WWOX: variants seen among roughly 807,000 people sequenced by gnomAD.
WWOX encodes WW domain containing oxidoreductase.
WWOX carries 69 observed loss-of-function variants against 46.2 expected under a neutral mutation model. The observed-to-expected ratio is 1.49, with a 90% CI of 1.23 to 1.82. The LOEUF is 1.82. Ranked by LOEUF, WWOX falls within the 40% of genes most tolerant of loss-of-function variation. The probability of loss-of-function intolerance (pLI) is 0.00; values close to 1 mark genes in which losing one functional copy is unlikely to be tolerated. For missense variants in WWOX, 919 were observed against 542.6 expected, an observed-to-expected ratio of 1.69 and a Z score of -6.89; for synonymous variants, 359 against 202.6, an observed-to-expected ratio of 1.77 and a Z score of -6.56.
At chr16:78,723,232 T>C (rs541327252) in intron 8 of WWOX, among the ~76,000 whole-genome samples, 2 of 152,270 alleles carry the variant, frequency 1.3e-5, no homozygotes, top group South Asian at 4.1e-4. Context: ...CTTCTTTATA[T>C]TATAAGTTTA....
chr16:78,628,475 T>C (rs945549667), intron 8 of WWOX, among the ~76,000 whole-genome samples: 1 of 152,206 alleles, frequency 6.6e-6, no homozygotes, highest in Non-Finnish European at 1.5e-5. Context: ...GATATATACA[T>C]GGAGCTGAAA....
intron 8 of WWOX, among the ~76,000 whole-genome samples, chr16:78,820,395 G>C (rs138091376): frequency 6.6e-6 from 1 of 152,136 alleles, no homozygotes; most frequent in African/African-American, 2.4e-5. Context: ...AGATCTGGGA[G>C]TATTGTTTGG....
chr16:78,336,546 T>A (rs1039117997), intron 5 of WWOX, among the ~76,000 whole-genome samples: 1 of 144,862 alleles, frequency 6.9e-6, no homozygotes, highest in African/African-American at 2.6e-5. Flanking sequence ...GACAGGCAGA[T>A]AACAGAGGGA....
intron 8 of WWOX, among the ~76,000 whole-genome samples, chr16:78,993,669 G>A (rs1222960808): frequency 2.0e-5 from 3 of 152,166 alleles, no homozygotes; most frequent in South Asian, 2.1e-4. Context: ...TGTCACCGGC[G>A]GCTTTATGTG....
chr16:78,975,380 C>T (rs1035267684), intron 8 of WWOX, among the ~76,000 whole-genome samples: 1 of 151,838 alleles, frequency 6.6e-6, no homozygotes, highest in Non-Finnish European at 1.5e-5. Flanking sequence ...AGGGCAGACC[C>T]TTGCAACAAA....
At chr16:79,103,437 C>T (rs1286044226) in intron 8 of WWOX, among the ~76,000 whole-genome samples, 4 of 152,250 alleles carry the variant, frequency 2.6e-5, no homozygotes, top group Admixed American at 2.6e-4. Context: ...CAAGCACAAC[C>T]ACAAGGATTC....
chr16:78,743,383 T>C (rs889424743), intron 8 of WWOX, among the ~76,000 whole-genome samples: 1 of 152,148 alleles, frequency 6.6e-6, no homozygotes, highest in African/African-American at 2.4e-5. Context: ...TTCCCAGGGA[T>C]CTGCTTCATG....
rs548963038 is a variant in WWOX, at chr16:79,097,209, G to T, written c.1057-114399G>T. 1.5e-4 allele frequency among the ~76,000 whole-genome samples: 23 copies of T among 152,232 alleles called. No individual in the cohort carries two copies. The South Asian group carries it at 4.8e-3, about 32-fold the overall frequency. On this transcript the variant is annotated intron_variant, in intron 8 of 8. Transcript: ENST00000566780. The stretch of plus-strand genomic sequence containing the variant: ...AAGTCAGAATTCTCTTTTATAAAGA[G>T]CCTGCTTTTCTCAATAATTGCATAA...
At chr16:78,121,000 A>G (rs1191499858) in intron 4 of WWOX, among the ~76,000 whole-genome samples, 2 of 148,974 alleles carry the variant, frequency 1.3e-5, no homozygotes, top group Non-Finnish European at 3.0e-5. Context: ...TTTTCTAGTT[A>G]TTCCAAAAGG....
At chr16:78,607,728 G>A (rs2045796341) in intron 8 of WWOX, among the ~76,000 whole-genome samples, 1 of 150,410 alleles carries the variant, frequency 6.6e-6, no homozygotes, top group East Asian at 2.0e-4. Flanking sequence ...GTGTGTGTTT[G>A]TTTTGGTCAA....
chr16:78,734,524 CCT>C (rs1456127264), intron 8 of WWOX, among the ~76,000 whole-genome samples: 1 of 151,926 alleles, frequency 6.6e-6, no homozygotes, highest in Non-Finnish European at 1.5e-5. Context: ...CTACCTGGGA[CCT>C]CAGACCTTGG....
chr16:78,734,922 G>C (rs1292828414), intron 8 of WWOX, among the ~76,000 whole-genome samples: 1 of 126,268 alleles, frequency 7.9e-6, no homozygotes, highest in Non-Finnish European at 1.6e-5. Context: ...CTGGAGTGCA[G>C]TGACGCAATC....
intron 5 of WWOX, among the ~76,000 whole-genome samples, chr16:78,335,004 A>C (rs920644416): frequency 6.6e-6 from 1 of 152,146 alleles, no homozygotes; most frequent in African/African-American, 2.4e-5. Context: ...AGGTTCCCCA[A>C]GTAGCCCCTG....
At chr16:78,909,000 G>T (rs1194955234) in intron 8 of WWOX, among the ~76,000 whole-genome samples, 1 of 152,212 alleles carries the variant, frequency 6.6e-6, no homozygotes, top group Non-Finnish European at 1.5e-5. Flanking sequence ...TCCCCAGGCA[G>T]GAAGGTTGTT....
chr16:78,506,562 A>C (rs1051764750), intron 8 of WWOX: 10 of 152,106 alleles, frequency 6.6e-5, no homozygotes, highest in Admixed American at 2.0e-4. Context: ...AGGGACACAG[A>C]ATCCCCTAAG....
At chr16:78,110,387 T>G (rs917303006) in intron 3 of WWOX, among the ~76,000 whole-genome samples, 3 of 151,774 alleles carry the variant, frequency 2.0e-5, no homozygotes, top group Non-Finnish European at 4.4e-5. Flanking sequence ...GTGGACTGTT[T>G]AGTAACCTGC....
At chr16:78,234,481 A>C (rs1426686081) in intron 5 of WWOX, among the ~76,000 whole-genome samples, 2 of 152,194 alleles carry the variant, frequency 1.3e-5, no homozygotes, top group African/African-American at 4.8e-5. Flanking sequence ...GTCTCTGCAG[A>C]GCTTACAAGT....
At chr16:78,658,643 T>G (rs2047135911) in intron 8 of WWOX, among the ~76,000 whole-genome samples, 1 of 152,130 alleles carries the variant, frequency 6.6e-6, no homozygotes, top group South Asian at 2.1e-4. Context: ...AACCCCAGTC[T>G]CCGCCTCCGC....
chr16:78,559,173 A>T (rs1444822933), intron 8 of WWOX, among the ~76,000 whole-genome samples: 2 of 152,242 alleles, frequency 1.3e-5, no homozygotes. Flanking sequence ...GCAAGATTCT[A>T]GATCTTACCC....
Sources: allele counts gnomAD v4.1 joint callset (sites outside exome capture counted in the v4.1 genomes callset), GRCh38; gene constraint gnomAD v4.1.1; transcripts MANE v1.5; gene names NCBI Gene and HGNC (gene_info 2026-07-23, HGNC 2026-07-21).